AGO3: variants seen among roughly 807,000 people sequenced by gnomAD.
AGO3 encodes argonaute RISC catalytic component 3, also known as protein argonaute-3.
Under a neutral mutation model 105.5 loss-of-function variants are expected in AGO3, and 16 were observed. That is an observed-to-expected ratio of 0.15 (90% CI 0.10 to 0.23). AGO3 has a LOEUF of 0.23. Among genes scored for constraint, AGO3 ranks in the 10% least tolerant of loss-of-function variants. The pLI, the probability that AGO3 is intolerant of heterozygous loss-of-function variation, is 1.00. For missense variants in AGO3, 534 were observed against 1,088.0 expected (o/e 0.49, Z 7.16); for synonymous variants, 340 against 367.3 (o/e 0.93, Z 0.85).
intron 1 of AGO3, among the ~76,000 whole-genome samples, chr1:35,936,782 G>A (rs1303958756): frequency 1.3e-5 from 2 of 152,138 alleles, no homozygotes; most frequent in African/African-American, 4.8e-5. Flanking sequence ...ATGTTGCACA[G>A]GCTGGTCTTG....
intron 2 of AGO3, among the ~76,000 whole-genome samples, chr1:35,965,234 C>G (rs1019120248): frequency 6.6e-6 from 1 of 151,908 alleles, no homozygotes; most frequent in Non-Finnish European, 1.5e-5. Context: ...GCTCATGCCT[C>G]TAATCCCAGC....
intron 5 of AGO3, among the ~76,000 whole-genome samples, chr1:35,986,557 T>G (rs74723632): frequency 0.064 from 9,717 of 151,994 alleles, 1,013 homozygotes; most frequent in East Asian, 0.43. Context: ...GGTGTGGTAG[T>G]GCACGTCTAT....
In AGO3 at chr1:36,061,509, G is replaced by A. The variant is rs183629318; in HGVS notation, c.*5764G>A. ...AATTTGAATTAAAGATAGAAGGATG[G>A]TAAATTCAATATAGAGGGTTGAGAT... On this transcript the variant is annotated 3_prime_UTR_variant, in exon 19 of 19. Transcript: ENST00000373191. 4.2e-4 allele frequency: 64 copies of A among 152,262 alleles called. No homozygotes were observed. Among genetic ancestry groups the A allele is most frequent in the African/African-American group, 1.5e-3 (63 of 41,550 alleles). 9.4% of individuals were successfully genotyped at this position (152,262 alleles called of 1,614,324 possible).
intron 11 of AGO3, among the ~76,000 whole-genome samples, chr1:36,022,703 G>A (rs1267280684): frequency 2.0e-5 from 3 of 151,900 alleles, no homozygotes; most frequent in Admixed American, 6.6e-5. Context: ...AGGCCGAGGC[G>A]GGTGGATTAC....
intron 1 of AGO3, among the ~76,000 whole-genome samples, chr1:35,937,578 C>T (rs1646173528): frequency 6.6e-6 from 1 of 151,980 alleles, no homozygotes; most frequent in African/African-American, 2.4e-5. Context: ...GTAATTCAGC[C>T]ACTTGGGAAG....
intron 5 of AGO3, 164 bp downstream of exon 5, chr1:35,973,675 G>T: frequency 1.2e-6 from 1 of 809,896 alleles, no homozygotes. Context: ...ATTTCATTTA[G>T]AAAGCCTGTA....
chr1:36,043,506 A>T lies in AGO3; in HGVS notation c.2232A>T (p.Pro744=). ...GTTVDTDITH[P]YEFDFYLCSH... ...CAGTTGATACAGACATTACACACCC[A>T]TATGAGTTCGATTTTTACCTCTGTA... The change falls in exon 17 of 19, where the codon CCA becomes CCT. Residue 744 remains proline, a synonymous_variant. Transcript: ENST00000373191. 2 of 1,613,926 alleles carry T rather than the reference A, an allele frequency of 1.2e-6. No individual in the cohort carries two copies. The highest frequency in any genetic ancestry group is 8.5e-7 in the Non-Finnish European group (1 of 1,179,924).
chr1:36,024,563 C>T (rs1641406348), intron 11 of AGO3, among the ~76,000 whole-genome samples: 1 of 152,158 alleles, frequency 6.6e-6, no homozygotes, highest in Non-Finnish European at 1.5e-5. Context: ...TTTCTGCTGT[C>T]ACGCTTGTTT....
At chr1:35,933,640 C>CAAAAAAAAAAAAAA in intron 1 of AGO3, among the ~76,000 whole-genome samples, 1 of 31,388 alleles carries the variant, frequency 3.2e-5, no homozygotes, top group Non-Finnish European at 7.1e-5. Flanking sequence ...GACCCTGTCT[C>CAAAAAAAAAAAAAA]AAAAAAAAAA....
intron 17 of AGO3, among the ~76,000 whole-genome samples, chr1:36,054,591 C>G (rs768833399): frequency 3.3e-5 from 5 of 152,116 alleles, no homozygotes; most frequent in Non-Finnish European, 5.9e-5. Context: ...TTAAAAAGTT[C>G]AAAATTGGGC....
intron 5 of AGO3, among the ~76,000 whole-genome samples, chr1:35,983,795 A>T (rs1159967942): frequency 1.3e-5 from 2 of 152,298 alleles, no homozygotes; most frequent in Admixed American, 1.3e-4. Flanking sequence ...CTGAATATGG[A>T]GGTAGATCTG....
chr1:36,017,334 A>G (rs967211322), intron 11 of AGO3, among the ~76,000 whole-genome samples: 4 of 152,144 alleles, frequency 2.6e-5, no homozygotes, highest in Non-Finnish European at 5.9e-5. Context: ...TCAACCAAGC[A>G]CCCTGTTTGT....
At position 36,027,061 on chromosome 1, in the gene AGO3, G is replaced by A. The variant is rs913284459; in HGVS notation, c.1407-53G>A. On this transcript the variant is annotated intron_variant, in intron 11 of 18. Transcript: ENST00000373191. The surrounding 1 kb of genome is among the most constrained non-coding windows in gnomAD (Gnocchi z 4.0). ...TTCCCAAACTTCCCATTACTACTTT[G>A]TAGGAATTCATGACTAGACAAAGGT... 2.6e-6 allele frequency: 4 copies of A among 1,543,000 alleles called. No individual in the cohort carries two copies. Among genetic ancestry groups the A allele is most frequent in the Non-Finnish European group, 3.5e-6 (4 of 1,141,656 alleles).
intron 2 of AGO3, among the ~76,000 whole-genome samples, chr1:35,966,620 T>C (rs1357842272): frequency 3.3e-5 from 5 of 152,218 alleles, no homozygotes; most frequent in African/African-American, 1.2e-4. Context: ...AGATTACTCT[T>C]GGAGAAAGAA....
chr1:36,024,005 C>T (rs1641369730), intron 11 of AGO3, among the ~76,000 whole-genome samples: 1 of 152,090 alleles, frequency 6.6e-6, no homozygotes, highest in Non-Finnish European at 1.5e-5. Context: ...TCCAGACCTC[C>T]ATTCTCTCCC....
In AGO3 at chr1:36,057,526, G is replaced by A. The variant is rs1225100233; in HGVS notation, c.*1781G>A. ...CAACTTGTTTTTGCTATCTTTTAGT[G>A]CAATAAGCAGTTTTAAAGGAAAGTT... is the stretch of plus-strand genomic sequence containing the variant. On this transcript the variant is annotated 3_prime_UTR_variant, in exon 19 of 19. Coordinates refer to ENST00000373191, the MANE Select transcript of AGO3 (RefSeq NM_024852.4). 1 of 151,964 alleles carries A rather than the reference G, an allele frequency of 6.6e-6. No individual in the cohort carries two copies. The highest frequency in any genetic ancestry group is 2.4e-5 in the African/African-American group (1 of 41,368). 9.4% of individuals were successfully genotyped at this position (151,964 alleles called of 1,614,324 possible). A position where few individuals can be genotyped will look rare whatever the true frequency, so the allele number is the denominator to read the frequency against.
intron 5 of AGO3, among the ~76,000 whole-genome samples, chr1:35,975,414 G>A (rs1244845195): frequency 6.6e-6 from 1 of 151,704 alleles, no homozygotes; most frequent in African/African-American, 2.4e-5. Flanking sequence ...TTTTCTATTG[G>A]ATTTTTCGTC....
At position 35,973,438 on chromosome 1, in the gene AGO3, G is replaced by C; in HGVS notation, c.585G>C (p.Gly195=). 1.9e-6 allele frequency: 3 copies of C among 1,594,782 alleles called. No homozygotes were observed. The highest frequency in any genetic ancestry group is 2.6e-6 in the Non-Finnish European group (3 of 1,167,850). The change falls in exon 5 of 19, where the codon GGG becomes GGC. Residue 195 remains glycine, a synonymous_variant. Coordinates refer to ENST00000373191, the MANE Select transcript of AGO3 (RefSeq NM_024852.4). ...AAGGATATGACCACCCTCTGGGAGG[G>C]GGCAGGGAAGTGTGGTTTGGATTCC... ...APEGYDHPLG[G]GREVWFGFHQ... is the part of the protein sequence containing the mutation.
intron 5 of AGO3, among the ~76,000 whole-genome samples, chr1:36,002,820 G>A (rs556303274): frequency 3.3e-5 from 5 of 152,072 alleles, no homozygotes; most frequent in African/African-American, 4.8e-5. Context: ...TCCTGACCTC[G>A]TGATCCTCCC....
Sources: allele counts gnomAD v4.1 joint callset (sites outside exome capture counted in the v4.1 genomes callset), GRCh38; gene constraint gnomAD v4.1.1; non-coding constraint Gnocchi (gnomAD v3.1); transcripts MANE v1.5; gene names NCBI Gene and HGNC (gene_info 2026-07-23, HGNC 2026-07-21).